The following CAMSAP2 variants were observed in gnomAD, a reference collection of about 807,000 sequenced individuals.
The protein encoded by CAMSAP2 is calmodulin-regulated spectrin-associated protein 2.
Under a neutral mutation model 146.1 loss-of-function variants are expected in CAMSAP2, and 26 were observed. The ratio of observed to expected loss-of-function variants is 0.18; its 90% CI spans 0.13 to 0.25. The LOEUF is 0.25. Ranked by LOEUF, CAMSAP2 falls within the 10% of genes least tolerant of loss-of-function variation. The pLI is 1.00. For missense variants in CAMSAP2, 1,381 were observed against 1,759.3 expected (o/e 0.78, Z 3.85); for synonymous variants, 499 against 596.6 (o/e 0.84, Z 2.38).
In CAMSAP2 at chr1:200,853,433, G is replaced by A. The variant is rs756589218; in HGVS notation, c.3761G>A (p.Arg1254Gln). 17 of 1,613,690 alleles carry A rather than the reference G, an allele frequency of 1.1e-5. No homozygotes were observed. Among genetic ancestry groups the A allele is most frequent in the Middle Eastern group, 1.7e-4 (1 of 6,052 alleles). ...CAAGTAGTAAAACAAAAAAAACAGC[G>A]ACCAAAATCTATTCACAGAGATCAT... is the stretch of plus-strand genomic sequence containing the variant. ...RPQVVKQKKQ[R>Q]PKSIHRDHIE... Residue 1254 changes from arginine to glutamine, a missense_variant, in exon 13 of 17, where the codon CGA becomes CAA. Transcript: ENST00000358823. This position sits in a 1 kb window ranked among gnomAD's most constrained non-coding sequence, Gnocchi z 5.1.
chr1:200,816,624 A>ATATG (rs1553288238), intron 4 of CAMSAP2, among the ~76,000 whole-genome samples: 1 of 142,568 alleles, frequency 7.0e-6, no homozygotes, highest in Non-Finnish European at 1.5e-5. Flanking sequence ...ATATATATAT[A>ATATG]TGTATATATA....
chr1:200,796,637 T>C (rs1398322769), intron 2 of CAMSAP2, among the ~76,000 whole-genome samples: 1 of 152,020 alleles, frequency 6.6e-6, no homozygotes, highest in Non-Finnish European at 1.5e-5. Flanking sequence ...CTTTCAACAA[T>C]GTTTTGTAGT....
chr1:200,847,949 T>A (rs1667504588), intron 10 of CAMSAP2, 83 bp from the exon 11 acceptor site: 1 of 1,016,314 alleles, frequency 9.8e-7, no homozygotes, highest in Non-Finnish European at 1.4e-6. Flanking sequence ...AAAGGAAATG[T>A]AATTTCAAAT....
chr1:200,773,076 G>A (rs1470205926), intron 2 of CAMSAP2, among the ~76,000 whole-genome samples: 2 of 151,868 alleles, frequency 1.3e-5, no homozygotes, highest in African/African-American at 4.9e-5. Flanking sequence ...CTTTTGAATA[G>A]TGGAAGTTTT....
intron 4 of CAMSAP2, among the ~76,000 whole-genome samples, chr1:200,817,164 ACGTGTGTG>A (rs1558191975): frequency 0.018 from 1,434 of 79,764 alleles, 34 homozygotes; most frequent in African/African-American, 0.068. Context: ...ACATACACAC[ACGTGTGTG>A]TATATACACA....
chr1:200,776,655 T>C (rs1457892312), intron 2 of CAMSAP2, among the ~76,000 whole-genome samples: 2 of 151,590 alleles, frequency 1.3e-5, no homozygotes, highest in African/African-American at 4.9e-5. Flanking sequence ...ACCTGGGAGG[T>C]GGAGGTTGCA....
chr1:200,853,582 C>A lies in CAMSAP2; in HGVS notation c.3823+87C>A. 2 of 1,006,124 alleles carry A rather than the reference C, an allele frequency of 2.0e-6. No homozygotes were observed. The highest frequency in any genetic ancestry group is 3.0e-6 in the Non-Finnish European group (2 of 670,896). The allele number at this position is 1,006,124 out of a possible 1,614,324, so 62.3% of individuals were successfully genotyped here. ...ACTAACTTGGTTGTACTTTGATGTG[C>A]AAAATTGGATACACAGTTTGAGATT... is the stretch of plus-strand genomic sequence containing the variant. On this transcript the variant is annotated intron_variant, in intron 13 of 16. Transcript: ENST00000358823. The surrounding 1 kb of genome is among the most constrained non-coding windows in gnomAD (Gnocchi z 5.1).
chr1:200,763,957 C>T (rs565644781), intron 2 of CAMSAP2, among the ~76,000 whole-genome samples: 10 of 151,614 alleles, frequency 6.6e-5, no homozygotes, highest in East Asian at 3.9e-4. Flanking sequence ...ACCTGTAACC[C>T]GAGGTCGGGA....
chr1:200,825,099 C>T (rs1453442079), intron 4 of CAMSAP2, among the ~76,000 whole-genome samples: 1 of 152,168 alleles, frequency 6.6e-6, no homozygotes, highest in Non-Finnish European at 1.5e-5. Context: ...TTGTTTCCCT[C>T]TGCCCCCGCC....
Position 200,788,187 on chromosome 1 carries a change from C to T in CAMSAP2, c.400-19189C>T, listed in dbSNP as rs547781729. On this transcript the variant is annotated intron_variant, in intron 2 of 16. Transcript: ENST00000358823. ...AATAATGTGCACTTAAATTTCCTCC[C>T]ATGTATTTTTATAACTTGATTGCTC... 5.9e-5 allele frequency among the ~76,000 whole-genome samples: 9 copies of T among 152,282 alleles called. No individual in the cohort carries two copies. In the South Asian group the frequency reaches 8.3e-4, roughly 14 times the overall value.
intron 2 of CAMSAP2, among the ~76,000 whole-genome samples, chr1:200,769,575 G>A (rs941773700): frequency 1.3e-5 from 2 of 152,144 alleles, no homozygotes; most frequent in African/African-American, 4.8e-5. Flanking sequence ...CTTCAAGTTG[G>A]GGTTCCCATG....
Position 200,835,484 on chromosome 1 carries a change from C to G in CAMSAP2, c.927+2639C>G, listed in dbSNP as rs149925277. On this transcript the variant is annotated intron_variant, in intron 6 of 16. Coordinates refer to ENST00000358823, the MANE Select transcript of CAMSAP2 (RefSeq NM_203459.4). ...ACTGAGTATCTCCATGTGCCAGACACTATTCTTAGCTTTGGAGGTAAAGCA... is the reference window on the plus strand; with the variant it reads ...ACTGAGTATCTCCATGTGCCAGACAGTATTCTTAGCTTTGGAGGTAAAGCA... Among the ~76,000 whole-genome samples the G allele has an allele frequency of 1.9e-3, 291 of 152,286 alleles. 2 individuals carry two copies. Among genetic ancestry groups the G allele is most frequent in the Non-Finnish European group, 3.1e-3 (212 of 68,030 alleles).
intron 11 of CAMSAP2, among the ~76,000 whole-genome samples, chr1:200,851,827 A>G (rs1321116526): frequency 6.6e-6 from 1 of 152,190 alleles, no homozygotes; most frequent in African/African-American, 2.4e-5. Context: ...AGGAGACATT[A>G]AGACAGTGAA....
chr1:200,842,666 C>A (rs1017677629), intron 7 of CAMSAP2, among the ~76,000 whole-genome samples: 77 of 152,070 alleles, frequency 5.1e-4, no homozygotes, highest in Non-Finnish European at 8.7e-4. Flanking sequence ...CTCTTGGCTC[C>A]CATTATAAAA....
At chr1:200,788,528 A>T (rs182773661) in intron 2 of CAMSAP2, among the ~76,000 whole-genome samples, 1 of 152,334 alleles carries the variant, frequency 6.6e-6, no homozygotes, top group Admixed American at 6.5e-5. Context: ...GTTGTTCCAC[A>T]GGAACTTTCC....
In CAMSAP2 at chr1:200,850,139, G is replaced by A; in HGVS notation, c.3370G>A (p.Glu1124Lys). ...TTCCCTCTCAGATTTGAAACCCCCT[G>A]AAAAGGCTGATGTACCTGTTGAAAA... is the stretch of plus-strand genomic sequence containing the variant. ...EVSLSDLKPP[E>K]KADVPVEKYD... The change falls in exon 11 of 17, where the codon GAA (glutamate) becomes AAA (lysine). Residue 1124 changes from glutamate to lysine, a missense_variant. Glu to Lys is a moderately conservative substitution (Grantham distance 56, BLOSUM62 1). This residue lies in a region of CAMSAP2 where 560 missense variants were observed against 715.9 expected (regional missense o/e 0.78). Coordinates refer to ENST00000358823, the MANE Select transcript of CAMSAP2 (RefSeq NM_203459.4). 6.2e-7 allele frequency: 1 copy of A among 1,613,702 alleles called. No homozygotes were observed. The highest frequency in any genetic ancestry group is 8.5e-7 in the Non-Finnish European group (1 of 1,179,894).
rs185695169 is a variant in CAMSAP2, at chr1:200,854,274, G to T, written c.3824-543G>T. ...TAGGATTACAGGTGTGAGTCACTGC[G>T]CCTGGCCATACTCTTATTTTTAAAA... On this transcript the variant is annotated intron_variant, in intron 13 of 16. Coordinates refer to ENST00000358823, the MANE Select transcript of CAMSAP2 (RefSeq NM_203459.4). Among the ~76,000 whole-genome samples, 999 of 152,176 alleles carry T rather than the reference G, an allele frequency of 6.6e-3. 9 individuals are homozygous for T. The highest frequency in any genetic ancestry group is 0.017 in the Middle Eastern group (5 of 294).
At chr1:200,836,763 G>A (rs189252877) in intron 6 of CAMSAP2, among the ~76,000 whole-genome samples, 1 of 152,034 alleles carries the variant, frequency 6.6e-6, no homozygotes, top group Non-Finnish European at 1.5e-5. Context: ...ATTATTTTTT[G>A]ACTTTTTAGT....
At chr1:200,775,592 C>T (rs1665248497) in intron 2 of CAMSAP2, among the ~76,000 whole-genome samples, 1 of 152,064 alleles carries the variant, frequency 6.6e-6, no homozygotes, top group Non-Finnish European at 1.5e-5. Flanking sequence ...TGCAGTGGCG[C>T]AATCTCAGCT....
Sources: allele counts gnomAD v4.1 joint callset (sites outside exome capture counted in the v4.1 genomes callset), GRCh38; gene constraint gnomAD v4.1.1; regional missense constraint gnomAD v4.1.1; non-coding constraint Gnocchi (gnomAD v3.1); transcripts MANE v1.5; gene names NCBI Gene and HGNC (gene_info 2026-07-23, HGNC 2026-07-21).